The following TPH2 variants were observed in gnomAD, a reference collection of about 807,000 sequenced individuals.
The protein encoded by TPH2 is tryptophan hydroxylase 2, also known as tryptophan 5-hydroxylase 2.
TPH2 carries 27 observed loss-of-function variants against 59.1 expected under a neutral mutation model. That is an observed-to-expected ratio of 0.46 (90% CI 0.34 to 0.63). The LOEUF (loss-of-function observed/expected upper bound fraction) is 0.63, where lower values mean the gene tolerates loss of function less well. Ranked by LOEUF, TPH2 falls within the 30% of genes least tolerant of loss-of-function variation. TPH2 has a pLI of 0.01. For missense variants in TPH2, 523 were observed against 588.3 expected, an observed-to-expected ratio of 0.89 and a Z score of 1.15; for synonymous variants, 220 against 210.5, an observed-to-expected ratio of 1.05 and a Z score of -0.39.
At position 71,947,033 on chromosome 12, in the gene TPH2, A is replaced by G. The variant is rs1417005081; in HGVS notation, c.540+2347A>G. On this transcript the variant is annotated intron_variant, in intron 4 of 10. Transcript: ENST00000333850. Reference sequence around the variant, plus strand: ...AAGGTTCACTCATAAGGTGTTTGTTAAAAATACAATATCTTGATGCTCATC... The same window carrying G: ...AAGGTTCACTCATAAGGTGTTTGTTGAAAATACAATATCTTGATGCTCATC... 2.0e-5 allele frequency among the ~76,000 whole-genome samples: 3 copies of G among 152,322 alleles called. No individual in the cohort carries two copies. The South Asian group carries it at 6.2e-4, about 32-fold the overall frequency.
chr12:72,008,086 T>A (rs1032890775), intron 8 of TPH2, among the ~76,000 whole-genome samples: 4 of 152,178 alleles, frequency 2.6e-5, no homozygotes, highest in African/African-American at 9.7e-5. Context: ...GAACAGGGAC[T>A]TTATAGCTTG....
intron 9 of TPH2, among the ~76,000 whole-genome samples, chr12:72,029,004 G>A (rs964706593): frequency 8.5e-5 from 13 of 152,240 alleles, no homozygotes; most frequent in South Asian, 6.2e-4. Context: ...GACTAAATAC[G>A]TATCTGGCTA....
chr12:71,949,876 C>T (rs909641725), intron 5 of TPH2, among the ~76,000 whole-genome samples: 2 of 151,806 alleles, frequency 1.3e-5, no homozygotes, highest in Non-Finnish European at 2.9e-5. Flanking sequence ...CCAAGTGCTA[C>T]GTTTACACCA....
intron 8 of TPH2, among the ~76,000 whole-genome samples, chr12:71,999,250 A>T (rs1872763956): frequency 6.6e-6 from 1 of 152,240 alleles, no homozygotes; most frequent in Non-Finnish European, 1.5e-5. Context: ...GAATAAAGCT[A>T]TCTCTGCTAT....
intron 1 of TPH2, among the ~76,000 whole-genome samples, 170 bp from the exon 2 acceptor site, chr12:71,941,414 G>T (rs1184827413): frequency 6.6e-6 from 1 of 152,122 alleles, no homozygotes; most frequent in African/African-American, 2.4e-5. Flanking sequence ...GAATAAATTA[G>T]ACCAATATTT....
intron 9 of TPH2, 35 bp from the exon 10 acceptor site, chr12:72,031,223 A>G (rs1265744225): frequency 6.2e-7 from 1 of 1,612,910 alleles, no homozygotes; most frequent in Non-Finnish European, 8.5e-7. Flanking sequence ...AAGTCTCATT[A>G]CAGAGTTTAA....
At chr12:72,019,911 G>A (rs537404204) in intron 8 of TPH2, among the ~76,000 whole-genome samples, 37 of 152,330 alleles carry the variant, frequency 2.4e-4, no homozygotes, top group African/African-American at 8.2e-4. Context: ...CATAGCTAAT[G>A]AGAAGCAGGG....
At chr12:71,959,579 T>C (rs1871620164) in intron 5 of TPH2, among the ~76,000 whole-genome samples, 1 of 152,216 alleles carries the variant, frequency 6.6e-6, no homozygotes, top group Admixed American at 6.5e-5. Flanking sequence ...GAAATTTCAG[T>C]TGACCTTAGC....
At chr12:71,959,442 GC>G (rs1397293660) in intron 5 of TPH2, among the ~76,000 whole-genome samples, 1 of 152,250 alleles carries the variant, frequency 6.6e-6, no homozygotes, top group Non-Finnish European at 1.5e-5. Flanking sequence ...CTTGCAGGTA[GC>G]TGTGACAGTT....
At chr12:71,968,298 G>A (rs1220164487) in intron 5 of TPH2, among the ~76,000 whole-genome samples, 2 of 152,210 alleles carry the variant, frequency 1.3e-5, no homozygotes, top group African/African-American at 2.4e-5. Context: ...TCTTCATGAC[G>A]GTGATGGGGA....
chr12:71,989,949 G>C (rs6582082), intron 7 of TPH2, among the ~76,000 whole-genome samples: 6,944 of 26,932 alleles, frequency 0.26, 479 homozygotes, highest in African/African-American at 0.37. Flanking sequence ...TCAGCTCTTG[G>C]TTTTTTTTTT....
chr12:71,983,682 G>T (rs1219566444), intron 7 of TPH2, among the ~76,000 whole-genome samples: 2 of 152,050 alleles, frequency 1.3e-5, no homozygotes, highest in Non-Finnish European at 2.9e-5. Context: ...CAGGAAAGCA[G>T]TCCTCCTTCA....
Position 71,944,321 on chromosome 12 carries a change from G to T in TPH2, c.283G>T (p.Glu95Ter). ...AAAACGTGTCAACATGGTTCATATTGAATCCAGGAAATCTCGGCGAAGAAG... is the reference window on the plus strand; with the variant it reads ...AAAACGTGTCAACATGGTTCATATTTAATCCAGGAAATCTCGGCGAAGAAG... Reference protein sequence around the residue: ...QEKRVNMVHIESRKSRRRSSE... With the variant: ...QEKRVNMVHI Residue 95 changes from glutamate (E) to a stop codon, truncating the protein, a stop_gained, in exon 3 of 11, where the codon GAA becomes TAA. Coordinates refer to ENST00000333850, the MANE Select transcript of TPH2 (RefSeq NM_173353.4). LOFTEE classifies it high-confidence loss of function. The T allele has an allele frequency of 6.2e-7, 1 of 1,613,744 alleles. No individual in the cohort carries two copies. The highest frequency in any genetic ancestry group is 8.5e-7 in the Non-Finnish European group (1 of 1,179,798).
At chr12:71,988,497 A>G (rs1425887271) in intron 7 of TPH2, among the ~76,000 whole-genome samples, 4 of 152,132 alleles carry the variant, frequency 2.6e-5, no homozygotes, top group African/African-American at 7.2e-5. Flanking sequence ...GGGAGGAATG[A>G]GAGAGAGAGT....
chr12:71,993,127 T>C (rs952259929), intron 7 of TPH2, among the ~76,000 whole-genome samples: 10 of 152,220 alleles, frequency 6.6e-5, no homozygotes, highest in East Asian at 1.9e-4. Flanking sequence ...CTGGCCAAGA[T>C]TGGGGATACG....
intron 6 of TPH2, among the ~76,000 whole-genome samples, chr12:71,977,582 C>T (rs1055805591): frequency 6.6e-6 from 1 of 152,142 alleles, no homozygotes; most frequent in African/African-American, 2.4e-5. Flanking sequence ...TTAACGTCAT[C>T]GATAGGTTCT....
intron 7 of TPH2, among the ~76,000 whole-genome samples, chr12:71,990,640 A>G (rs1872560231): frequency 6.6e-6 from 1 of 152,230 alleles, no homozygotes; most frequent in African/African-American, 2.4e-5. Context: ...AGCCAAACAC[A>G]GTGGGATAGA....
intron 8 of TPH2, among the ~76,000 whole-genome samples, chr12:72,017,432 G>T (rs1386487): frequency 0.6 from 91,081 of 151,960 alleles, 27,467 homozygotes; most frequent in Non-Finnish European, 0.64. Context: ...TTCTGTTTTG[G>T]TTTTTAATGA....
intron 7 of TPH2, among the ~76,000 whole-genome samples, chr12:71,990,243 A>G (rs1469907284): frequency 6.6e-6 from 1 of 152,224 alleles, no homozygotes; most frequent in Non-Finnish European, 1.5e-5. Flanking sequence ...ACCTGTTCAT[A>G]ATTAGATACT....
Sources: allele counts gnomAD v4.1 joint callset (sites outside exome capture counted in the v4.1 genomes callset), GRCh38; gene constraint gnomAD v4.1.1; transcripts MANE v1.5; gene names NCBI Gene and HGNC (gene_info 2026-07-23, HGNC 2026-07-21).